Variants in RC3H2 observed in about 807,000 individuals in gnomAD.
RC3H2 encodes roquin-2.
RC3H2 carries 31 observed loss-of-function variants against 133.3 expected under a neutral mutation model. The ratio of observed to expected loss-of-function variants is 0.23; its 90% CI spans 0.17 to 0.31. The LOEUF is 0.31. Ranked by LOEUF, RC3H2 falls within the 10% of genes least tolerant of loss-of-function variation. The probability of loss-of-function intolerance (pLI) is 1.00; values close to 1 mark genes in which losing one functional copy is unlikely to be tolerated. For synonymous variants in RC3H2, 517 were observed against 502.2 expected (o/e 1.03, Z -0.40); for missense variants, 1,175 against 1,437.2 (o/e 0.82, Z 2.95).
intron 2 of RC3H2, among the ~76,000 whole-genome samples, chr9:122,895,267 C>T (rs1832370911): frequency 6.6e-6 from 1 of 151,940 alleles, no homozygotes; most frequent in African/African-American, 2.4e-5. Flanking sequence ...TCAAGTGAAC[C>T]TCCCATCTCA....
At chr9:122,879,064 T>C (rs1831474570) in intron 8 of RC3H2, among the ~76,000 whole-genome samples, 1 of 150,262 alleles carries the variant, frequency 6.7e-6, no homozygotes, top group East Asian at 2.0e-4. Context: ...GCCAGGTTTA[T>C]ATCTTAACTT....
At chr9:122,851,864 C>T (rs1007460585) in intron 18 of RC3H2, among the ~76,000 whole-genome samples, 2 of 152,250 alleles carry the variant, frequency 1.3e-5, no homozygotes, top group African/African-American at 4.8e-5. Context: ...CACCTCCCAG[C>T]CGCCTGCCTT....
intron 1 of RC3H2, among the ~76,000 whole-genome samples, chr9:122,901,753 G>A (rs773564058): frequency 1.8e-4 from 27 of 146,768 alleles, no homozygotes; most frequent in Non-Finnish European, 3.5e-4. Flanking sequence ...CACCATGCCC[G>A]GTTAATTTTT....
chr9:122,859,808 T>C (rs1830388469), intron 11 of RC3H2, 109 bp downstream of exon 11: 1 of 926,926 alleles, frequency 1.1e-6, no homozygotes, highest in South Asian at 1.6e-5. Flanking sequence ...ATGAGTCACA[T>C]AGTCAAAAGG....
At chr9:122,875,106 A>T in intron 9 of RC3H2, 5 of 1,383,798 alleles carry the variant, frequency 3.6e-6, no homozygotes, top group Non-Finnish European at 4.7e-6. Context: ...AATTATCTTG[A>T]TGTGAAATTC....
At chr9:122,884,920 G>C (rs933642070) in intron 4 of RC3H2, among the ~76,000 whole-genome samples, 2 of 151,592 alleles carry the variant, frequency 1.3e-5, no homozygotes, top group African/African-American at 4.8e-5. Flanking sequence ...TCAGTGTCAT[G>C]AAAGGCAAAG....
intron 18 of RC3H2, among the ~76,000 whole-genome samples, chr9:122,852,026 G>A (rs1164889898): frequency 2.0e-5 from 3 of 151,166 alleles, no homozygotes; most frequent in Non-Finnish European, 2.9e-5. Flanking sequence ...GTCTCTGCCC[G>A]GCCGCCATCC....
chr9:122,900,745 A>G (rs1325819122), intron 1 of RC3H2, among the ~76,000 whole-genome samples: 1 of 152,166 alleles, frequency 6.6e-6, no homozygotes, highest in Non-Finnish European at 1.5e-5. Context: ...CTGAGATAAA[A>G]TGGACTAAAA....
intron 1 of RC3H2, among the ~76,000 whole-genome samples, chr9:122,903,991 A>G (rs373194978): frequency 9.2e-5 from 14 of 152,368 alleles, no homozygotes; most frequent in African/African-American, 3.1e-4. Context: ...TGCACTGGCT[A>G]ACATTTGTTT....
intron 9 of RC3H2, among the ~76,000 whole-genome samples, chr9:122,873,350 A>C (rs1282899870): frequency 6.6e-6 from 1 of 152,142 alleles, no homozygotes; most frequent in East Asian, 1.9e-4. Context: ...ACTGTATATT[A>C]TTTGCTCCTC....
At chr9:122,899,071 T>A (rs972203167) in intron 1 of RC3H2, among the ~76,000 whole-genome samples, 1 of 142,376 alleles carries the variant, frequency 7.0e-6, no homozygotes, top group African/African-American at 2.6e-5. Flanking sequence ...TACAAAAAAA[T>A]TCTATTAGCC....
At chr9:122,870,400 ACAAAC>A (rs1554770741) in intron 9 of RC3H2, among the ~76,000 whole-genome samples, 3 of 132,492 alleles carry the variant, frequency 2.3e-5, no homozygotes, top group Non-Finnish European at 4.8e-5. Flanking sequence ...AAACAAACAA[ACAAAC>A]AAACAAACAA....
chr9:122,905,054 G>A, intron 1 of RC3H2, 56 bp downstream of exon 1: 4 of 979,764 alleles, frequency 4.1e-6, no homozygotes, highest in South Asian at 4.7e-5. Context: ...CCCGACCGCC[G>A]GGGACCAGGC....
chr9:122,858,721 G>A lies in RC3H2; in HGVS notation c.2231C>T (p.Ser744Leu), dbSNP rs374047636. Residue 744 changes from serine to leucine, a missense_variant, in exon 12 of 21, where the codon TCG (serine) becomes TTG (leucine). By Grantham distance (145) the Ser-to-Leu change is moderately radical. Around this residue, in one of 8 missense-constraint regions of RC3H2, gnomAD observed 490 missense variants for 492.8 expected, o/e 0.99. Transcript: ENST00000357244. ...ERYNSLDGYY[S>L]VACQPPSEPR... ...CTCACTTGGTGGCTGACAAGCCACCGAATAATATCCATCTAATGAGTTATA... is the reference window on the plus strand; with the variant it reads ...CTCACTTGGTGGCTGACAAGCCACCAAATAATATCCATCTAATGAGTTATA... 1.5e-5 allele frequency: 25 copies of A among 1,613,586 alleles called. No individual in the cohort carries two copies. The highest frequency in any genetic ancestry group is 5.3e-5 in the African/African-American group (4 of 74,948).
At chr9:122,881,721 A>G (rs953667201) in intron 5 of RC3H2, among the ~76,000 whole-genome samples, 1 of 152,150 alleles carries the variant, frequency 6.6e-6, no homozygotes, top group African/African-American at 2.4e-5. Context: ...GTGCAGTGGC[A>G]CAATCTAGGC....
At chr9:122,873,246 A>C (rs1028664170) in intron 9 of RC3H2, among the ~76,000 whole-genome samples, 2 of 152,242 alleles carry the variant, frequency 1.3e-5, no homozygotes, top group African/African-American at 4.8e-5. Context: ...AACTGAAAGG[A>C]CAGTCACATC....
intron 20 of RC3H2, 58 bp from the exon 21 acceptor site, chr9:122,849,880 GTGA>G: frequency 8.2e-7 from 1 of 1,213,750 alleles, no homozygotes; most frequent in Non-Finnish European, 1.1e-6. Flanking sequence ...ACTGTTAAGG[GTGA>G]CTATACATAT....
intron 9 of RC3H2, among the ~76,000 whole-genome samples, chr9:122,866,342 T>A (rs1203043692): frequency 6.8e-6 from 1 of 146,902 alleles, no homozygotes; most frequent in East Asian, 2.1e-4. Flanking sequence ...TTGGATTCCA[T>A]TTAAGAAAAT....
chr9:122,849,091 C>G lies in RC3H2; in HGVS notation c.*536G>C, dbSNP rs1829929791. 6.6e-6 allele frequency: 1 copy of G among 151,950 alleles called. No individual in the cohort carries two copies. Among genetic ancestry groups the G allele is most frequent in the South Asian group, 2.1e-4 (1 of 4,830 alleles). 9.4% of individuals were successfully genotyped at this position (151,950 alleles called of 1,614,324 possible). On this transcript the variant is annotated 3_prime_UTR_variant, in exon 21 of 21. Transcript: ENST00000357244. ...CTGTAAAATTCTATGGTAAGAACAT[C>G]TAACTCCACTCTTCAAAATTAAAAA...
Sources: allele counts gnomAD v4.1 joint callset (sites outside exome capture counted in the v4.1 genomes callset), GRCh38; gene constraint gnomAD v4.1.1; regional missense constraint gnomAD v4.1.1; transcripts MANE v1.5; gene names NCBI Gene and HGNC (gene_info 2026-07-23, HGNC 2026-07-21).